MYOD1: variants seen among roughly 807,000 people sequenced by gnomAD.
MYOD1 encodes myogenic differentiation 1.
MYOD1 carries 15 observed loss-of-function variants against 14.9 expected under a neutral mutation model. The ratio of observed to expected loss-of-function variants is 1.01; its 90% CI spans 0.67 to 1.55. The LOEUF (loss-of-function observed/expected upper bound fraction) is 1.55, where lower values mean the gene tolerates loss of function less well. Ranked by LOEUF, MYOD1 falls within the 40% of genes most tolerant of loss-of-function variation. The pLI is 0.00. For missense variants in MYOD1, 529 were observed against 482.6 expected (o/e 1.10, Z -0.90); for synonymous variants, 235 against 218.6 (o/e 1.07, Z -0.66).
Position 17,720,312 on chromosome 11 carries a change from C to G in MYOD1, c.530C>G (p.Ala177Gly), listed in dbSNP as rs1848624163. 6.3e-7 allele frequency: 1 copy of G among 1,588,002 alleles called. No individual in the cohort carries two copies. ...QDAAPPGAAA[A>G]FYAPGPLPPG... Reference sequence around the variant, plus strand: ...GCCGCGCCCCCTGGCGCCGCAGCCGCCTTCTATGCGCCGGGCCCGCTGCCC... The same window carrying G: ...GCCGCGCCCCCTGGCGCCGCAGCCGGCTTCTATGCGCCGGGCCCGCTGCCC... Residue 177 changes from alanine (A) to glycine (G), a missense_variant, in exon 1 of 3, where the codon GCC (alanine) becomes GGC (glycine). Ala to Gly is a moderately conservative substitution (Grantham distance 60, BLOSUM62 0). Transcript: ENST00000250003.
At position 17,719,793 on chromosome 11, in the gene MYOD1, T is replaced by C. The variant is rs375605280; in HGVS notation, c.11T>C (p.Leu4Pro). 3.1e-6 allele frequency: 5 copies of C among 1,612,818 alleles called. No individual in the cohort carries two copies. Among genetic ancestry groups the C allele is most frequent in the Non-Finnish European group, 4.2e-6 (5 of 1,179,688 alleles). ...CGCCACCGCCAGGATATGGAGCTAC[T>C]GTCGCCACCGCTCCGCGACGTAGAC... Reference protein sequence around the residue: MELLSPPLRDVDLT... With the variant: MELPSPPLRDVDLT... Residue 4 changes from leucine (L) to proline (P), a missense_variant, in exon 1 of 3, where the codon CTG (leucine) becomes CCG (proline). By Grantham distance (98) the Leu-to-Pro change is moderately conservative. Coordinates refer to ENST00000250003, the MANE Select transcript of MYOD1 (RefSeq NM_002478.5).
chr11:17,720,791 G>C, intron 1 of MYOD1, 111 bp from the exon 2 acceptor site: 1 of 1,217,380 alleles, frequency 8.2e-7, no homozygotes, highest in Non-Finnish European at 1.2e-6. Context: ...ACAGGTCTGG[G>C]CCCGGAACTA....
rs373565128 is a variant in MYOD1, at chr11:17,720,001, G to A, written c.219G>A (p.Pro73=). Residue 73 remains proline, a synonymous_variant, in exon 1 of 3, where the codon CCG becomes CCA. Transcript: ENST00000250003. ...TCCCCGCGGCGGTGCACCCGGCCCC[G>A]GGCGCACGTGAGGACGAGCATGTGC... The part of the protein sequence containing the change: ...SHFPAAVHPA[P]GAREDEHVRA... 1.5e-3 allele frequency: 2,463 copies of A among 1,604,564 alleles called. 2 individuals are homozygous for A. Among genetic ancestry groups the A allele is most frequent in the Non-Finnish European group, 1.9e-3 (2,265 of 1,176,010 alleles).
rs1459354402 is a variant in MYOD1 at position 17,721,247 on chromosome 11, C to A, written c.710-8C>A. 2.0e-6 allele frequency: 3 copies of A among 1,534,864 alleles called. No individual in the cohort carries two copies. In the South Asian group the frequency reaches 3.6e-5, roughly 18 times the overall value. ...CCCCTGCTTACTAACCGAGCCCTCCCCGCGCAGAACCCAGGCCCGGGAAGA... is the reference window on the plus strand; with the variant it reads ...CCCCTGCTTACTAACCGAGCCCTCCACGCGCAGAACCCAGGCCCGGGAAGA... On this transcript the variant is annotated splice_polypyrimidine_tract_variant and splice_region_variant and intron_variant, in intron 2 of 2. Coordinates refer to ENST00000250003, the MANE Select transcript of MYOD1 (RefSeq NM_002478.5). This position sits in a 1 kb window ranked among gnomAD's most constrained non-coding sequence, Gnocchi z 6.2.
chr11:17,721,585 C>T lies in MYOD1; in HGVS notation c.*77C>T. The T allele has an allele frequency of 6.9e-7, 1 of 1,448,896 alleles. No homozygotes were observed. Among genetic ancestry groups the T allele is most frequent in the Non-Finnish European group, 9.1e-7 (1 of 1,101,702 alleles). 89.8% of individuals were successfully genotyped at this position (1,448,896 alleles called of 1,614,324 possible). On this transcript the variant is annotated 3_prime_UTR_variant, in exon 3 of 3. Coordinates refer to ENST00000250003, the MANE Select transcript of MYOD1 (RefSeq NM_002478.5). The surrounding 1 kb of genome is among the most constrained non-coding windows in gnomAD (Gnocchi z 6.2). ...GCGCCCAAAAGATTGAACTTAAATG[C>T]CCCCCTCCCAACAGCGCTTTAAAAG...
Position 17,719,962 on chromosome 11 carries a change from A to G in MYOD1, c.180A>G (p.Glu60=), listed in dbSNP as rs372610609. ...ACGTGGGCGCGCTCCTGAAACCCGAAGAGCACTCGCACTTCCCCGCGGCGG... is the reference window on the plus strand; with the variant it reads ...ACGTGGGCGCGCTCCTGAAACCCGAGGAGCACTCGCACTTCCCCGCGGCGG... ...LMHVGALLKP[E]EHSHFPAAVH... Residue 60 remains glutamate, a synonymous_variant, in exon 1 of 3, where the codon GAA becomes GAG. Coordinates refer to ENST00000250003, the MANE Select transcript of MYOD1 (RefSeq NM_002478.5). The G allele has an allele frequency of 6.2e-7, 1 of 1,613,268 alleles. No individual in the cohort carries two copies. Among genetic ancestry groups the G allele is most frequent in the African/African-American group, 1.3e-5 (1 of 75,012 alleles).
chr11:17,720,276 G>A lies in MYOD1; in HGVS notation c.494G>A (p.Arg165His), dbSNP rs775189085. 3 of 1,597,056 alleles carry A rather than the reference G, an allele frequency of 1.9e-6. No homozygotes were observed. Among genetic ancestry groups the A allele is most frequent in the African/African-American group, 2.8e-5 (2 of 72,384 alleles). ...RYIEGLQALL[R>H]DQDAAPPGAA... ...ATCGAGGGCCTGCAGGCTCTGCTGC[G>A]CGACCAGGACGCCGCGCCCCCTGGC... The change falls in exon 1 of 3, where the codon CGC (arginine) becomes CAC (histidine). Residue 165 changes from arginine to histidine, a missense_variant. By Grantham distance (29) the Arg-to-His change is conservative. Transcript: ENST00000250003.
In MYOD1 at chr11:17,720,197, A is replaced by T; in HGVS notation, c.415A>T (p.Asn139Tyr). The T allele has an allele frequency of 6.2e-7, 1 of 1,609,580 alleles. No individual in the cohort carries two copies. The highest frequency in any genetic ancestry group is 1.1e-5 in the South Asian group (1 of 90,704). Residue 139 changes from asparagine (N) to tyrosine (Y), a missense_variant, in exon 1 of 3, where the codon AAT becomes TAT. Coordinates refer to ENST00000250003, the MANE Select transcript of MYOD1 (RefSeq NM_002478.5). ...GACACTCAAGCGCTGCACGTCGAGC[A>T]ATCCAAACCAGCGGTTGCCCAAGGT... ...FETLKRCTSS[N>Y]PNQRLPKVEI...
rs1289943163 is a variant in MYOD1, at chr11:17,721,040, C to G, written c.709+60C>G. On this transcript the variant is annotated intron_variant, in intron 2 of 2. Transcript: ENST00000250003. The surrounding 1 kb of genome is among the most constrained non-coding windows in gnomAD (Gnocchi z 6.2). ...CTCCTTCATGGAGCTGTCCTGGCCT[C>G]TATCTAGGACGCTCCCACCCCCACT... 1 of 1,465,634 alleles carries G rather than the reference C, an allele frequency of 6.8e-7. No homozygotes were observed. Among genetic ancestry groups the G allele is most frequent in the Admixed American group, 2.5e-5 (1 of 39,906 alleles). The allele number at this position is 1,465,634 out of a possible 1,614,324, so 90.8% of individuals were successfully genotyped here.
chr11:17,720,791 G>GC, intron 1 of MYOD1, 111 bp from the exon 2 acceptor site: 1 of 1,217,380 alleles, frequency 8.2e-7, no homozygotes, highest in Non-Finnish European at 1.2e-6. Flanking sequence ...ACAGGTCTGG[G>GC]CCCGGAACTA....
Position 17,721,869 on chromosome 11 carries a change from A to T in MYOD1, c.*361A>T, listed in dbSNP as rs371724331. On this transcript the variant is annotated 3_prime_UTR_variant, in exon 3 of 3. Coordinates refer to ENST00000250003, the MANE Select transcript of MYOD1 (RefSeq NM_002478.5). The surrounding 1 kb of genome is among the most constrained non-coding windows in gnomAD (Gnocchi z 6.2). ...CACCGGTTATTTGGGGGGGCGTGAGACCCAGTGCACTCCGGTCCCAAATGT... is the reference window on the plus strand; with the variant it reads ...CACCGGTTATTTGGGGGGGCGTGAGTCCCAGTGCACTCCGGTCCCAAATGT... The T allele has an allele frequency of 1.5e-4, 45 of 301,904 alleles. No homozygotes were observed. The East Asian group carries it at 2.1e-3, about 14-fold the overall frequency. 18.7% of individuals were successfully genotyped at this position (301,904 alleles called of 1,614,324 possible).
At chr11:17,720,819 T>G in intron 1 of MYOD1, 83 bp from the exon 2 acceptor site, 2 of 1,441,104 alleles carry the variant, frequency 1.4e-6, no homozygotes, top group Non-Finnish European at 1.9e-6. Flanking sequence ...AGGCTAGAGT[T>G]AGGGAGGGGG....
chr11:17,721,866 G>A lies in MYOD1; in HGVS notation c.*358G>A, dbSNP rs1158076969. On this transcript the variant is annotated 3_prime_UTR_variant, in exon 3 of 3. Coordinates refer to ENST00000250003, the MANE Select transcript of MYOD1 (RefSeq NM_002478.5). The surrounding 1 kb of genome is among the most constrained non-coding windows in gnomAD (Gnocchi z 6.2). ...ATGCACCGGTTATTTGGGGGGGCGT[G>A]AGACCCAGTGCACTCCGGTCCCAAA... 2.0e-5 allele frequency: 6 copies of A among 306,696 alleles called. No individual in the cohort carries two copies. The highest frequency in any genetic ancestry group is 3.0e-5 in the Non-Finnish European group (5 of 168,160). 19.0% of individuals were successfully genotyped at this position (306,696 alleles called of 1,614,324 possible).
Position 17,720,343 on chromosome 11 carries a change from C to A in MYOD1, c.561C>A (p.Gly187=). 1.3e-6 allele frequency: 2 copies of A among 1,535,488 alleles called. No homozygotes were observed. The highest frequency in any genetic ancestry group is 2.3e-5 in the Admixed American group (1 of 44,122). Residue 187 remains glycine, a synonymous_variant, in exon 1 of 3, where the codon GGC becomes GGA. Transcript: ENST00000250003. ...ATGCGCCGGGCCCGCTGCCCCCGGG[C>A]CGCGGCGGCGAGCACTACAGCGGCG... ...AFYAPGPLPP[G]RGGEHYSGDS...
At position 17,721,679 on chromosome 11, in the gene MYOD1, C is replaced by G; in HGVS notation, c.*171C>G. 6.5e-6 allele frequency: 5 copies of G among 765,646 alleles called. No individual in the cohort carries two copies. Among genetic ancestry groups the G allele is most frequent in the Non-Finnish European group, 9.5e-6 (5 of 524,724 alleles). The allele number at this position is 765,646 out of a possible 1,614,324, so 47.4% of individuals were successfully genotyped here. ...GCCCCCGCCCCACAGGGCAAGGACA[C>G]AGCGCGGTTTTTTCCACGCAGCACC... On this transcript the variant is annotated 3_prime_UTR_variant, in exon 3 of 3. Coordinates refer to ENST00000250003, the MANE Select transcript of MYOD1 (RefSeq NM_002478.5). The surrounding 1 kb of genome is among the most constrained non-coding windows in gnomAD (Gnocchi z 6.2).
rs755631734 is a variant in MYOD1 at position 17,720,949 on chromosome 11, C to T, written c.678C>T (p.Tyr226=). Residue 226 remains tyrosine (Y), a synonymous_variant, in exon 2 of 3, where the codon TAC becomes TAT. Coordinates refer to ENST00000250003, the MANE Select transcript of MYOD1 (RefSeq NM_002478.5). ...PPSGARRRNC[Y]EGAYYNEAPS... ...GCGGCGCCCGGCGGCGGAACTGCTA[C>T]GAAGGCGCCTACTACAACGAGGCGC... 2.5e-6 allele frequency: 4 copies of T among 1,608,110 alleles called. No homozygotes were observed. Among genetic ancestry groups the T allele is most frequent in the Non-Finnish European group, 3.4e-6 (4 of 1,178,166 alleles).
rs1460126908 is a variant in MYOD1 at position 17,721,886 on chromosome 11, C to G, written c.*378C>G. The G allele has an allele frequency of 7.0e-6, 2 of 286,084 alleles. No individual in the cohort carries two copies. Among genetic ancestry groups the G allele is most frequent in the Non-Finnish European group, 1.3e-5 (2 of 154,634 alleles). 17.7% of individuals were successfully genotyped at this position (286,084 alleles called of 1,614,324 possible). A position where few individuals can be genotyped will look rare whatever the true frequency, so the allele number is the denominator to read the frequency against. Reference sequence around the variant, plus strand: ...GGCGTGAGACCCAGTGCACTCCGGTCCCAAATGTAGCAGGTGTAACCGTAA... The same window carrying G: ...GGCGTGAGACCCAGTGCACTCCGGTGCCAAATGTAGCAGGTGTAACCGTAA... On this transcript the variant is annotated 3_prime_UTR_variant, in exon 3 of 3. Coordinates refer to ENST00000250003, the MANE Select transcript of MYOD1 (RefSeq NM_002478.5). This position sits in a 1 kb window ranked among gnomAD's most constrained non-coding sequence, Gnocchi z 6.2.
In MYOD1 at chr11:17,720,958, C is replaced by T. The variant is rs746400738; in HGVS notation, c.687C>T (p.Ala229=). 3.1e-6 allele frequency: 5 copies of T among 1,605,714 alleles called. No individual in the cohort carries two copies. Among genetic ancestry groups the T allele is most frequent in the East Asian group, 2.2e-5 (1 of 44,576 alleles). The change falls in exon 2 of 3, where the codon GCC becomes GCT. Residue 229 remains alanine, a synonymous_variant. Transcript: ENST00000250003. The part of the protein sequence containing the change: ...GARRRNCYEG[A]YYNEAPSEPR... ...GGCGGCGGAACTGCTACGAAGGCGCCTACTACAACGAGGCGCCCAGCGGTG... is the reference window on the plus strand; with the variant it reads ...GGCGGCGGAACTGCTACGAAGGCGCTTACTACAACGAGGCGCCCAGCGGTG...
In MYOD1 at chr11:17,721,919, C is replaced by A. The variant is rs1848642921; in HGVS notation, c.*411C>A. 7.6e-6 allele frequency: 2 copies of A among 263,830 alleles called. No homozygotes were observed. Among genetic ancestry groups the A allele is most frequent in the Non-Finnish European group, 1.4e-5 (2 of 139,868 alleles). 16.3% of individuals were successfully genotyped at this position (263,830 alleles called of 1,614,324 possible). On this transcript the variant is annotated 3_prime_UTR_variant, in exon 3 of 3. Coordinates refer to ENST00000250003, the MANE Select transcript of MYOD1 (RefSeq NM_002478.5). This position sits in a 1 kb window ranked among gnomAD's most constrained non-coding sequence, Gnocchi z 6.2. ...TAGCAGGTGTAACCGTAACCCACCC[C>A]CAACCCGTTTCCCGGTTCAGGACCA...
Sources: gnomAD v4.1 joint callset for allele counts on GRCh38, gnomAD v4.1.1 for gene constraint, Gnocchi (gnomAD v3.1) non-coding constraint, MANE v1.5 for transcripts, NCBI Gene and HGNC (gene_info 2026-07-23, HGNC 2026-07-21) for gene names.